Variants in ZNG1A observed in about 807,000 individuals in gnomAD.
The protein encoded by ZNG1A is Zn regulated GTPase metalloprotein activator 1A.
the ZNG1A span, among the ~76,000 whole-genome samples, chr9:154,956 C>T: frequency 6.6e-6 from 1 of 152,148 alleles, no homozygotes; most frequent in Non-Finnish European, 1.5e-5. Flanking sequence ...ATAGGAGTGA[C>T]TCAGTTTACT....
At chr9:172,189 C>T in the ZNG1A span, 2 of 1,609,804 alleles carry the variant, frequency 1.2e-6, no homozygotes, top group East Asian at 2.2e-5. Flanking sequence ...AATACCAAAA[C>T]ATAATTTACA....
chr9:129,248 C>T, the ZNG1A span, among the ~76,000 whole-genome samples: 1 of 152,138 alleles, frequency 6.6e-6, no homozygotes, highest in Non-Finnish European at 1.5e-5. Flanking sequence ...TGCCCAAAAA[C>T]ATGAGATATT....
At chr9:149,490 G>A in the ZNG1A span, 34 of 151,670 alleles carry the variant, frequency 2.2e-4, no homozygotes, top group Admixed American at 3.3e-4. Context: ...CTGTCTTCTC[G>A]GTCAATATTT....
the ZNG1A span, chr9:154,443 G>C: frequency 3.9e-6 from 2 of 510,642 alleles, no homozygotes; most frequent in South Asian, 6.7e-5. Flanking sequence ...AAGAGTCAAA[G>C]AGAAGACAGG....
At chr9:159,851 T>C in the ZNG1A span, 1 of 351,638 alleles carries the variant, frequency 2.8e-6, no homozygotes, top group Non-Finnish European at 5.6e-6. Flanking sequence ...TGGTTACAGA[T>C]GTAACACTAT....
the ZNG1A span, among the ~76,000 whole-genome samples, chr9:157,691 A>C: frequency 4.5e-5 from 6 of 134,020 alleles, no homozygotes; most frequent in Non-Finnish European, 9.6e-5. Flanking sequence ...AAGTAAAATG[A>C]CATAATTTTA....
At chr9:163,180 G>A in the ZNG1A span, among the ~76,000 whole-genome samples, 11 of 152,076 alleles carry the variant, frequency 7.2e-5, no homozygotes, top group Non-Finnish European at 1.6e-4. Flanking sequence ...GACTGAGAAA[G>A]GGAGAAAACA....
At chr9:129,877 G>A in the ZNG1A span, among the ~76,000 whole-genome samples, 1 of 149,718 alleles carries the variant, frequency 6.7e-6, no homozygotes, top group African/African-American at 2.5e-5. Context: ...ATGAGCTGTT[G>A]GGCAATTTTG....
chr9:151,733 C>T, the ZNG1A span: 1 of 210,926 alleles, frequency 4.7e-6, no homozygotes, highest in African/African-American at 2.5e-5. Context: ...CAATATACTT[C>T]AGATTTCTGT....
chr9:169,775 A>G, the ZNG1A span, among the ~76,000 whole-genome samples: 75 of 150,856 alleles, frequency 5.0e-4, no homozygotes, highest in East Asian at 0.011. Flanking sequence ...TTAGCAATAA[A>G]TATTTTTAAT....
At chr9:124,161 C>T in the ZNG1A span, among the ~76,000 whole-genome samples, 1 of 151,570 alleles carries the variant, frequency 6.6e-6, no homozygotes, top group East Asian at 1.9e-4. Context: ...CTTGATAAAT[C>T]TCTCACTGTC....
chr9:127,752 G>C, the ZNG1A span, among the ~76,000 whole-genome samples: 1 of 152,054 alleles, frequency 6.6e-6, no homozygotes, highest in Non-Finnish European at 1.5e-5. Flanking sequence ...TGTTTTTCTG[G>C]TTTTTGTTGT....
chr9:174,625 T>G, the ZNG1A span, among the ~76,000 whole-genome samples: 1 of 150,584 alleles, frequency 6.6e-6, no homozygotes, highest in African/African-American at 2.5e-5. Flanking sequence ...AAAAAGCACT[T>G]TTCTCTTTCG....
At chr9:135,603 C>G in the ZNG1A span, among the ~76,000 whole-genome samples, 5 of 91,720 alleles carry the variant, frequency 5.5e-5, no homozygotes, top group Non-Finnish European at 9.6e-5. Flanking sequence ...ATGAAAAGCA[C>G]AAGAAGATCA....
the ZNG1A span, chr9:150,323 T>C: frequency 4.2e-6 from 2 of 471,820 alleles, no homozygotes; most frequent in Non-Finnish European, 5.5e-6. Flanking sequence ...AGACGGGGTT[T>C]CACAGTGTTA....
At chr9:127,351 T>C in the ZNG1A span, among the ~76,000 whole-genome samples, 2 of 151,782 alleles carry the variant, frequency 1.3e-5, no homozygotes, top group Admixed American at 1.3e-4. Context: ...TTTTATAAAT[T>C]TGGGAGCTCC....
the ZNG1A span, among the ~76,000 whole-genome samples, chr9:129,373 T>C: frequency 6.6e-6 from 1 of 151,678 alleles, no homozygotes; most frequent in Non-Finnish European, 1.5e-5. Flanking sequence ...GTGAGACTTT[T>C]AAAAGTACTT....
the ZNG1A span, among the ~76,000 whole-genome samples, chr9:137,071 A>AT: frequency 9.4e-5 from 13 of 138,808 alleles, no homozygotes; most frequent in Non-Finnish European, 1.7e-4. Flanking sequence ...AAATATGAAA[A>AT]AAAGAAAAGG....
the ZNG1A span, chr9:178,997 G>A: frequency 4.7e-6 from 5 of 1,054,722 alleles, 1 homozygote; most frequent in African/African-American, 3.0e-5. Context: ...CCCTACCTCA[G>A]CTGAACCGCT....
Sources: allele counts gnomAD v4.1 joint callset (sites outside exome capture counted in the v4.1 genomes callset), GRCh38; gene constraint gnomAD v4.1.1; transcripts MANE v1.5; gene names NCBI Gene and HGNC (gene_info 2026-07-23, HGNC 2026-07-21).